TMF1: variants seen among roughly 807,000 people sequenced by gnomAD.
TMF1 encodes TATA element modulatory factor.
Under a neutral mutation model 126.5 loss-of-function variants are expected in TMF1, and 71 were observed. The observed-to-expected ratio is 0.56, with a 90% CI of 0.46 to 0.68. The LOEUF (loss-of-function observed/expected upper bound fraction) is 0.68. Among genes scored for constraint, TMF1 ranks in the 30% least tolerant of loss-of-function variants. TMF1 has a pLI of 0.00. For synonymous variants in TMF1, 461 were observed against 430.5 expected (o/e 1.07, Z -0.88); for missense variants, 1,259 against 1,253.2 (o/e 1.00, Z -0.07).
chr3:69,037,755 G>A (rs1412152508), intron 8 of TMF1, among the ~76,000 whole-genome samples: 1 of 152,024 alleles, frequency 6.6e-6, no homozygotes, highest in African/African-American at 2.4e-5. Flanking sequence ...GCAGTGAGCT[G>A]AGATCGTGCC....
In TMF1 at chr3:69,026,861, TTTTTA is replaced by T. The variant is rs1196812435; in HGVS notation, c.2758-769_2758-765del. Reference sequence around the variant, plus strand: ...TAAAATTTCTGGCTTATCCATTTTATTTTTAATGTATTCTTAAAATTCCAAATAAA... The same window carrying T: ...TAAAATTTCTGGCTTATCCATTTTATATGTATTCTTAAAATTCCAAATAAA... On this transcript the variant is annotated intron_variant, in intron 13 of 16. Coordinates refer to ENST00000398559, the MANE Select transcript of TMF1 (RefSeq NM_007114.3). Among the ~76,000 whole-genome samples, 18 of 152,358 alleles carry T rather than the reference TTTTTA, an allele frequency of 1.2e-4. No homozygotes were observed. In the Middle Eastern group the frequency reaches 0.01, roughly 86 times the overall value.
chr3:69,045,524 A>T (rs2091890689), intron 2 of TMF1, among the ~76,000 whole-genome samples: 1 of 152,108 alleles, frequency 6.6e-6, no homozygotes, highest in Admixed American at 6.6e-5. Flanking sequence ...TCATGCCTGT[A>T]ATCCCAGCAC....
rs751445739 is a variant in TMF1 at position 69,028,305 on chromosome 3, A to C, written c.2595-10T>G. 1 of 1,594,646 alleles carries C rather than the reference A, an allele frequency of 6.3e-7. No homozygotes were observed. Among genetic ancestry groups the C allele is most frequent in the Non-Finnish European group, 8.6e-7 (1 of 1,164,420 alleles). ...CAATTCAACCTGGTACCTATTAAAC[A>C]AGGCAGAATTTAAAAAAACAGAAAA... On this transcript the variant is annotated splice_polypyrimidine_tract_variant and intron_variant, in intron 11 of 16. Transcript: ENST00000398559.
chr3:69,020,251 A>C lies in TMF1; in HGVS notation c.*2926T>G, dbSNP rs1348106167. 6.6e-6 allele frequency: 1 copy of C among 152,196 alleles called. No homozygotes were observed. Among genetic ancestry groups the C allele is most frequent in the East Asian group, 1.9e-4 (1 of 5,200 alleles). The allele number at this position is 152,196 out of a possible 1,614,324, so 9.4% of individuals were successfully genotyped here. The stretch of plus-strand genomic sequence containing the variant: ...CAAACTTCATGTTTCCTAGGTCAGA[A>C]GTTATCCACATTTAGAATATCTTAA... On this transcript the variant is annotated 3_prime_UTR_variant, in exon 17 of 17. Coordinates refer to ENST00000398559, the MANE Select transcript of TMF1 (RefSeq NM_007114.3).
At chr3:69,035,447 C>T (rs1473986156) in intron 8 of TMF1, 4 of 199,970 alleles carry the variant, frequency 2.0e-5, no homozygotes, top group Non-Finnish European at 4.1e-5. Flanking sequence ...AGGTGCTATA[C>T]GGATTATAAA....
intron 1 of TMF1, among the ~76,000 whole-genome samples, chr3:69,050,112 T>C (rs1425898443): frequency 1.3e-5 from 2 of 151,754 alleles, no homozygotes; most frequent in Non-Finnish European, 2.9e-5. Flanking sequence ...TTACAAAAAT[T>C]AGGCAGGTGT....
intron 15 of TMF1, chr3:69,025,330 C>A: frequency 2.4e-6 from 1 of 414,868 alleles, no homozygotes; most frequent in East Asian, 4.2e-5. Context: ...TGTGACAGAT[C>A]AGCCGAATAT....
At chr3:69,037,731 G>A (rs2091840466) in intron 8 of TMF1, among the ~76,000 whole-genome samples, 1 of 152,090 alleles carries the variant, frequency 6.6e-6, no homozygotes, top group East Asian at 1.9e-4. Flanking sequence ...GCTTGAATCC[G>A]GGAGGCAGAG....
At chr3:69,030,992 G>T (rs1307816339) in intron 10 of TMF1, among the ~76,000 whole-genome samples, 1 of 152,184 alleles carries the variant, frequency 6.6e-6, no homozygotes, top group African/African-American at 2.4e-5. Flanking sequence ...CTTGGAATCA[G>T]CCTGGACGTC....
intron 1 of TMF1, among the ~76,000 whole-genome samples, chr3:69,050,356 T>C (rs1362842788): frequency 6.6e-6 from 1 of 151,974 alleles, no homozygotes; most frequent in African/African-American, 2.4e-5. Flanking sequence ...AAACTTCAGT[T>C]TGGAGGCATA....
At chr3:69,050,418 A>G (rs2091920775) in intron 1 of TMF1, among the ~76,000 whole-genome samples, 1 of 152,156 alleles carries the variant, frequency 6.6e-6, no homozygotes, top group Non-Finnish European at 1.5e-5. Flanking sequence ...TCAAAATTAA[A>G]TATGCAAATG....
Position 69,029,866 on chromosome 3 carries a change from T to G in TMF1, c.2543A>C (p.Gln848Pro). 6.2e-7 allele frequency: 1 copy of G among 1,614,072 alleles called. No individual in the cohort carries two copies. Among genetic ancestry groups the G allele is most frequent in the Non-Finnish European group, 8.5e-7 (1 of 1,179,954 alleles). The change falls in exon 11 of 17, where the codon CAG becomes CCG. Residue 848 changes from glutamine to proline, a missense_variant. By Grantham distance (76) the Gln-to-Pro change is moderately conservative. Coordinates refer to ENST00000398559, the MANE Select transcript of TMF1 (RefSeq NM_007114.3). ...CAGCCTATTTTTCTCTGATTCTAGC[T>G]GGGCTTGAAATCTACTGTTTTCCTG... The part of the protein sequence containing the change: ...LRQENSRFQA[Q>P]LESEKNRLCK...
intron 4 of TMF1, among the ~76,000 whole-genome samples, chr3:69,043,363 T>A (rs550348119): frequency 1.3e-5 from 2 of 152,160 alleles, no homozygotes; most frequent in Non-Finnish European, 2.9e-5. Context: ...AGAGATGAGG[T>A]CTCGCCATGT....
Position 69,047,723 on chromosome 3 carries a change from A to C in TMF1, c.982T>G (p.Ser328Ala). The C allele has an allele frequency of 6.2e-7, 1 of 1,614,076 alleles. No individual in the cohort carries two copies. The highest frequency in any genetic ancestry group is 8.5e-7 in the Non-Finnish European group (1 of 1,180,012). The change falls in exon 2 of 17, where the codon TCA becomes GCA. Residue 328 changes from serine (S) to alanine (A), a missense_variant. Ser to Ala is a moderately conservative substitution (Grantham distance 99, BLOSUM62 1). Coordinates refer to ENST00000398559, the MANE Select transcript of TMF1 (RefSeq NM_007114.3). ...CSSDAFERID[S>A]FSVQSLDSRS... ...CTATCTAATGACTGTACACTAAATG[A>C]GTCTATTCTTTCAAAAGCATCAGAT...
chr3:69,042,552 C>T (rs1162244945), intron 5 of TMF1: 1 of 583,990 alleles, frequency 1.7e-6, no homozygotes, highest in African/African-American at 1.8e-5. Context: ...TTTCTTAGGG[C>T]AGCACAAATT....
In TMF1 at chr3:69,029,148, C is replaced by T. The variant is rs1337937940; in HGVS notation, c.2594+667G>A. 5.9e-5 allele frequency among the ~76,000 whole-genome samples: 9 copies of T among 152,146 alleles called. No homozygotes were observed. In the East Asian group the frequency reaches 1.7e-3, roughly 29 times the overall value. ...TCCCAGGTTCAAGCAATTCTCCTGC[C>T]TCAGCCTCCCGAGTAGCTGGAATTA... On this transcript the variant is annotated intron_variant, in intron 11 of 16. Coordinates refer to ENST00000398559, the MANE Select transcript of TMF1 (RefSeq NM_007114.3).
chr3:69,031,834 T>C (rs2091804753), intron 10 of TMF1, among the ~76,000 whole-genome samples: 1 of 152,188 alleles, frequency 6.6e-6, no homozygotes. Flanking sequence ...GCTAGCACAA[T>C]ACCACATATT....
At chr3:69,030,563 C>T (rs758750329) in intron 10 of TMF1, 2 of 151,968 alleles carry the variant, frequency 1.3e-5, no homozygotes, top group Admixed American at 6.6e-5. Flanking sequence ...TAAATGCAAA[C>T]CATATATCTA....
chr3:69,029,642 T>C (rs1346344382), intron 11 of TMF1, among the ~76,000 whole-genome samples, 173 bp downstream of exon 11: 7 of 152,150 alleles, frequency 4.6e-5, no homozygotes, highest in African/African-American at 1.4e-4. Context: ...GGTTTCGCCA[T>C]GTTGGCCAGG....
Sources: allele counts gnomAD v4.1 joint callset (sites outside exome capture counted in the v4.1 genomes callset), GRCh38; gene constraint gnomAD v4.1.1; transcripts MANE v1.5; gene names NCBI Gene and HGNC (gene_info 2026-07-23, HGNC 2026-07-21).